ZSCAN21: variants seen among roughly 807,000 people sequenced by gnomAD.
The protein encoded by ZSCAN21 is zinc finger and SCAN domain containing 21.
Under a neutral mutation model 35.6 loss-of-function variants are expected in ZSCAN21, and 26 were observed. The observed-to-expected ratio is 0.73, with a 90% CI of 0.54 to 1.01. The LOEUF is 1.01. ZSCAN21 is among the 50% of genes least tolerant of loss of function. ZSCAN21 has a pLI of 0.00. For missense variants in ZSCAN21, 593 were observed against 587.1 expected (o/e 1.01, Z -0.10); for synonymous variants, 219 against 219.3 (o/e 1.00, Z 0.01).
chr7:100,056,066 A>T (rs1263827970), intron 1 of ZSCAN21, among the ~76,000 whole-genome samples: 1 of 150,694 alleles, frequency 6.6e-6, no homozygotes, highest in Non-Finnish European at 1.5e-5. Flanking sequence ...CAGCCTCCCA[A>T]GTAGCTGGGA....
At chr7:100,061,588 C>G (rs1326633442) in intron 3 of ZSCAN21, among the ~76,000 whole-genome samples, 1 of 152,170 alleles carries the variant, frequency 6.6e-6, no homozygotes, top group African/African-American at 2.4e-5. Flanking sequence ...TCCAGTGACT[C>G]GAAGAGAAGT....
At chr7:100,061,662 G>C (rs1339516828) in intron 3 of ZSCAN21, among the ~76,000 whole-genome samples, 2 of 152,200 alleles carry the variant, frequency 1.3e-5, no homozygotes, top group African/African-American at 2.4e-5. Context: ...CTGAAGCTCT[G>C]ACCCCCAGCA....
At chr7:100,061,452 G>A (rs1792287139) in intron 3 of ZSCAN21, among the ~76,000 whole-genome samples, 1 of 152,130 alleles carries the variant, frequency 6.6e-6, no homozygotes, top group Admixed American at 6.6e-5. Flanking sequence ...AGCCTGGGAG[G>A]TGGAGGTTGC....
intron 3 of ZSCAN21, among the ~76,000 whole-genome samples, chr7:100,063,284 G>A (rs372766935): frequency 1.2e-4 from 19 of 152,160 alleles, no homozygotes; most frequent in Non-Finnish European, 1.6e-4. Context: ...TAATAGCTTC[G>A]GGTGGGGAAT....
intron 1 of ZSCAN21, among the ~76,000 whole-genome samples, chr7:100,051,782 G>T (rs555667286): frequency 6.6e-6 from 1 of 152,170 alleles, no homozygotes; most frequent in East Asian, 1.9e-4. Context: ...AGGGAAAATG[G>T]ACACAGAACA....
chr7:100,064,696 G>A lies in ZSCAN21; in HGVS notation c.*79G>A. 6.2e-7 allele frequency: 1 copy of A among 1,606,614 alleles called. No individual in the cohort carries two copies. Among genetic ancestry groups the A allele is most frequent in the Non-Finnish European group, 8.5e-7 (1 of 1,175,016 alleles). The stretch of plus-strand genomic sequence containing the variant: ...AGAAAGAAGTCTTGTCATTGCAGCA[G>A]CATCGATTCCGGTGATAGAGTTTGT... On this transcript the variant is annotated 3_prime_UTR_variant, in exon 4 of 4. Coordinates refer to ENST00000292450, the MANE Select transcript of ZSCAN21 (RefSeq NM_145914.3).
chr7:100,057,292 A>C lies in ZSCAN21; in HGVS notation c.286A>C (p.Ile96Leu). ...ACTGGTGCTGGAGCAGTTCCTGACCATCCTGCCCCAGGAGCTCCAGGCCTG... is the reference window on the plus strand; with the variant it reads ...ACTGGTGCTGGAGCAGTTCCTGACCCTCCTGCCCCAGGAGCTCCAGGCCTG... ...ELLVLEQFLT[I>L]LPQELQAWVQ... Residue 96 changes from isoleucine (I) to leucine (L), a missense_variant, in exon 2 of 4, where the codon ATC (isoleucine) becomes CTC (leucine). Transcript: ENST00000292450. 6.2e-7 allele frequency: 1 copy of C among 1,613,612 alleles called. No homozygotes were observed. Among genetic ancestry groups the C allele is most frequent in the South Asian group, 1.1e-5 (1 of 91,064 alleles).
At chr7:100,053,520 T>TACATACAA in intron 1 of ZSCAN21, among the ~76,000 whole-genome samples, 1 of 9,136 alleles carries the variant, frequency 1.1e-4, no homozygotes, top group East Asian at 3.7e-3. Context: ...GGAGGGCTCT[T>TACATACAA]ACATACATAC....
chr7:100,055,672 G>A (rs559177024), intron 1 of ZSCAN21, among the ~76,000 whole-genome samples: 4 of 141,602 alleles, frequency 2.8e-5, no homozygotes, highest in African/African-American at 1.1e-4. Context: ...ACAGAGTCTC[G>A]CTCTGTCACC....
intron 3 of ZSCAN21, among the ~76,000 whole-genome samples, chr7:100,060,922 A>G (rs1172119131): frequency 6.6e-6 from 1 of 150,586 alleles, no homozygotes; most frequent in African/African-American, 2.4e-5. Flanking sequence ...GTATTGGTAC[A>G]CGCCTGTAGT....
rs202230807 is a variant in ZSCAN21, at chr7:100,057,750, C to G, written c.452C>G (p.Ser151Ter). The G allele has an allele frequency of 1.6e-4, 265 of 1,613,878 alleles. No homozygotes were observed. The highest frequency in any genetic ancestry group is 2.1e-4 in the Non-Finnish European group (253 of 1,179,990). The change falls in exon 3 of 4, where the codon TCA becomes TGA. Residue 151 changes from serine (S) to a stop codon, truncating the protein, a stop_gained. Transcript: ENST00000292450. LOFTEE classifies it high-confidence loss of function. Reference sequence around the variant, plus strand: ...CCGGTGTGGGAGAAGATATCCTCCTCAGGAACTGCAAAGGAATCCCCGAGC... The same window carrying G: ...CCGGTGTGGGAGAAGATATCCTCCTGAGGAACTGCAAAGGAATCCCCGAGC... The part of the protein sequence containing the change: ...QKPVWEKISS[S>*]GTAKESPSSM...
intron 2 of ZSCAN21, 140 bp downstream of exon 2, chr7:100,057,545 A>G (rs1321352902): frequency 1.5e-6 from 2 of 1,378,626 alleles, no homozygotes; most frequent in Non-Finnish European, 9.8e-7. Context: ...ATTTTTCTCT[A>G]TCATCCTAAA....
At chr7:100,055,059 G>T (rs573175093) in intron 1 of ZSCAN21, among the ~76,000 whole-genome samples, 1 of 148,782 alleles carries the variant, frequency 6.7e-6, no homozygotes, top group African/African-American at 2.5e-5. Context: ...AGGTTAAAGC[G>T]ATTCTCCTGC....
chr7:100,052,794 G>T (rs1346537590), intron 1 of ZSCAN21, among the ~76,000 whole-genome samples: 1 of 152,038 alleles, frequency 6.6e-6, no homozygotes, highest in Admixed American at 6.6e-5. Context: ...CTACTCGTTT[G>T]TAGTCTTTAT....
Position 100,056,977 on chromosome 7 carries a change from A to G in ZSCAN21, c.-30A>G, listed in dbSNP as rs11558475. 0.3 allele frequency: 455,830 copies of G among 1,544,886 alleles called. 71,342 individuals carry two copies. Among genetic ancestry groups the G allele is most frequent in the Middle Eastern group, 0.51 (2,735 of 5,414 alleles). ...GAATATTCCTGCCCCACAGAGTCCCATCTTTGGTGAGGCTGTTTCTGGAGT... is the reference window on the plus strand; with the variant it reads ...GAATATTCCTGCCCCACAGAGTCCCGTCTTTGGTGAGGCTGTTTCTGGAGT... On this transcript the variant is annotated 5_prime_UTR_variant, in exon 2 of 4. Transcript: ENST00000292450.
In ZSCAN21 at chr7:100,063,872, C is replaced by T; in HGVS notation, c.677C>T (p.Ser226Phe). Residue 226 changes from serine to phenylalanine, a missense_variant, in exon 4 of 4, where the codon TCT becomes TTT. By Grantham distance (155) the Ser-to-Phe change is radical. Transcript: ENST00000292450. ...EAEGLKGDII[S>F]VIIANKPEAS... The stretch of plus-strand genomic sequence containing the variant: ...GAGGGGCTCAAAGGGGATATAATTT[C>T]TGTGATTATCGCCAATAAACCTGAG... 1 of 1,614,150 alleles carries T rather than the reference C, an allele frequency of 6.2e-7. No individual in the cohort carries two copies. The highest frequency in any genetic ancestry group is 8.5e-7 in the Non-Finnish European group (1 of 1,180,032).
At chr7:100,052,681 A>G (rs985620383) in intron 1 of ZSCAN21, among the ~76,000 whole-genome samples, 2 of 152,066 alleles carry the variant, frequency 1.3e-5, no homozygotes, top group African/African-American at 2.4e-5. Flanking sequence ...AGTTGGAGAT[A>G]CAGTTTGGGC....
chr7:100,055,816 G>C (rs1792053867), intron 1 of ZSCAN21, among the ~76,000 whole-genome samples: 1 of 150,334 alleles, frequency 6.7e-6, no homozygotes, highest in African/African-American at 2.4e-5. Context: ...ACTTTTTTTT[G>C]TATTTTTAGT....
chr7:100,051,105 G>A (rs1254082499), intron 1 of ZSCAN21, among the ~76,000 whole-genome samples: 4 of 141,348 alleles, frequency 2.8e-5, no homozygotes, highest in African/African-American at 1.1e-4. Context: ...TTGAACCTGG[G>A]AGGCAGAGGT....
Sources: allele counts gnomAD v4.1 joint callset (sites outside exome capture counted in the v4.1 genomes callset), GRCh38; gene constraint gnomAD v4.1.1; transcripts MANE v1.5; gene names NCBI Gene and HGNC (gene_info 2026-07-23, HGNC 2026-07-21).